The following HECW2 variants were observed in gnomAD, a reference collection of about 807,000 sequenced individuals.
HECW2 encodes the protein E3 ubiquitin-protein ligase HECW2.
Under a neutral mutation model 175.2 loss-of-function variants are expected in HECW2, and 61 were observed. That is an observed-to-expected ratio of 0.35 (90% CI 0.28 to 0.43). HECW2 has a LOEUF of 0.43. Ranked by LOEUF, HECW2 falls within the 20% of genes least tolerant of loss-of-function variation. The pLI is 1.00. For synonymous variants in HECW2, 671 were observed against 731.0 expected (o/e 0.92, Z 1.32); for missense variants, 1,524 against 2,000.5 (o/e 0.76, Z 4.54).
intron 2 of HECW2, among the ~76,000 whole-genome samples, chr2:196,412,075 G>A (rs2125228993): frequency 6.6e-6 from 1 of 152,246 alleles, no homozygotes; most frequent in Middle Eastern, 3.4e-3. Flanking sequence ...TTCAGTTTAA[G>A]GTTCATTATT....
chr2:196,496,379 A>G (rs1687394047), intron 1 of HECW2, among the ~76,000 whole-genome samples: 1 of 150,550 alleles, frequency 6.6e-6, no homozygotes, highest in African/African-American at 2.5e-5. Context: ...GGTTGATATG[A>G]GCAACACTGA....
chr2:196,382,613 A>C (rs1694239178), intron 2 of HECW2, among the ~76,000 whole-genome samples: 3 of 152,224 alleles, frequency 2.0e-5, no homozygotes, highest in African/African-American at 7.2e-5. Context: ...TATAACATGA[A>C]AAAGGATAGA....
chr2:196,457,234 T>G (rs1696548851), intron 1 of HECW2, among the ~76,000 whole-genome samples: 1 of 152,220 alleles, frequency 6.6e-6, no homozygotes, highest in African/African-American at 2.4e-5. Flanking sequence ...TACAACTGCT[T>G]CACTTTTACA....
intron 1 of HECW2, among the ~76,000 whole-genome samples, chr2:196,591,988 G>A (rs1476656034): frequency 1.3e-5 from 2 of 152,174 alleles, no homozygotes; most frequent in African/African-American, 4.8e-5. Flanking sequence ...CAAAGCAACA[G>A]AAGAAATGAA....
intron 2 of HECW2, among the ~76,000 whole-genome samples, chr2:196,386,540 G>A (rs1415083991): frequency 6.6e-6 from 1 of 152,216 alleles, no homozygotes; most frequent in African/African-American, 2.4e-5. Flanking sequence ...TTTCACTGCT[G>A]CCACTGTTTT....
At chr2:196,208,325 G>C (rs1240592677) in intron 28 of HECW2, among the ~76,000 whole-genome samples, 1 of 152,152 alleles carries the variant, frequency 6.6e-6, no homozygotes, top group Admixed American at 6.5e-5. Context: ...TTATGATTTT[G>C]GAATTTCTTG....
chr2:196,242,954 A>T (rs1043039213), intron 19 of HECW2: 5 of 152,094 alleles, frequency 3.3e-5, no homozygotes, highest in Non-Finnish European at 7.3e-5. Context: ...CAGCCTCCCA[A>T]ATTGCTGGGA....
chr2:196,270,546 T>G (rs12988737), intron 17 of HECW2, among the ~76,000 whole-genome samples: 11 of 152,330 alleles, frequency 7.2e-5, no homozygotes, highest in African/African-American at 2.4e-4. Flanking sequence ...TTCAATAAAC[T>G]GTATGCTACT....
intron 1 of HECW2, among the ~76,000 whole-genome samples, chr2:196,548,502 C>A (rs1320053428): frequency 6.6e-6 from 1 of 152,122 alleles, no homozygotes; most frequent in Non-Finnish European, 1.5e-5. Flanking sequence ...TACATCCTTG[C>A]TCCCAGCCTT....
chr2:196,434,213 G>A (rs1044673795), intron 1 of HECW2, among the ~76,000 whole-genome samples: 15 of 152,038 alleles, frequency 9.9e-5, no homozygotes, highest in Non-Finnish European at 1.9e-4. Flanking sequence ...CCTGCTACAC[G>A]GTACATGTCG....
At chr2:196,226,309 G>A (rs1307725557) in intron 22 of HECW2, among the ~76,000 whole-genome samples, 1 of 152,024 alleles carries the variant, frequency 6.6e-6, no homozygotes, top group Non-Finnish European at 1.5e-5. Flanking sequence ...CACCATGATT[G>A]AAAAAGCTCC....
intron 1 of HECW2, among the ~76,000 whole-genome samples, chr2:196,578,742 A>G (rs1559185589): frequency 6.6e-6 from 1 of 152,198 alleles, no homozygotes; most frequent in Non-Finnish European, 1.5e-5. Flanking sequence ...CAAGACTTCT[A>G]TAACTGGGAA....
chr2:196,517,254 A>G (rs1002042029), intron 1 of HECW2, among the ~76,000 whole-genome samples: 1 of 152,248 alleles, frequency 6.6e-6, no homozygotes, highest in East Asian at 1.9e-4. Flanking sequence ...TAAATATTCA[A>G]TACTAAAGAT....
chr2:196,574,204 C>T (rs866466945), intron 1 of HECW2, among the ~76,000 whole-genome samples: 6 of 152,146 alleles, frequency 3.9e-5, no homozygotes, highest in African/African-American at 1.4e-4. Flanking sequence ...CTGAGGCGGG[C>T]AGATCACTTG....
intron 22 of HECW2, 28 bp from the exon 23 acceptor site, chr2:196,225,898 A>C (rs1350034538): frequency 7.2e-7 from 1 of 1,379,880 alleles, no homozygotes; most frequent in African/African-American, 1.4e-5. Flanking sequence ...GAGATGGCTT[A>C]CATGTCATGG....
chr2:196,472,896 C>T (rs1238869731), intron 1 of HECW2, among the ~76,000 whole-genome samples: 5 of 152,202 alleles, frequency 3.3e-5, no homozygotes, highest in South Asian at 2.1e-4. Context: ...GCTGGGATTC[C>T]GGGCCGGAGC....
At position 196,318,596 on chromosome 2, in the gene HECW2, C is replaced by A; in HGVS notation, c.2294G>T (p.Gly765Val). The A allele has an allele frequency of 6.5e-7, 1 of 1,548,084 alleles. No individual in the cohort carries two copies. Among genetic ancestry groups the A allele is most frequent in the Middle Eastern group, 1.7e-4 (1 of 5,766 alleles). The change falls in exon 9 of 29, where the codon GGC (glycine) becomes GTC (valine). Residue 765 changes from glycine (G) to valine (V), a missense_variant. By Grantham distance (109) the Gly-to-Val change is moderately radical. This residue lies in a region of HECW2 where 604 missense variants were observed against 588.3 expected (regional missense o/e 1.03). Transcript: ENST00000644978. ...CTGGGCAGTTGCCCCTTCACAGGTGCCTTGGGCCTCCCCAGCACTGCCTTC... is the reference window on the plus strand; with the variant it reads ...CTGGGCAGTTGCCCCTTCACAGGTGACTTGGGCCTCCCCAGCACTGCCTTC... ...QEEGSAGEAQ[G>V]TCEGATAQEE... is the part of the protein sequence containing the mutation.
At chr2:196,563,611 G>A (rs1042257507) in intron 1 of HECW2, among the ~76,000 whole-genome samples, 5 of 151,972 alleles carry the variant, frequency 3.3e-5, no homozygotes, top group Non-Finnish European at 5.9e-5. Flanking sequence ...CTGAATGCAA[G>A]AAAGTGCTCA....
chr2:196,405,031 C>T lies in HECW2; in HGVS notation c.292+28101G>A, dbSNP rs531600042. On this transcript the variant is annotated intron_variant, in intron 2 of 28. Transcript: ENST00000644978. ...TATTTTTAGTAGAGATGGGGTTTCACCATGTTAGCCAGGATGGTCTCAATC... is the reference window on the plus strand; with the variant it reads ...TATTTTTAGTAGAGATGGGGTTTCATCATGTTAGCCAGGATGGTCTCAATC... Among the ~76,000 whole-genome samples, 6 of 150,492 alleles carry T rather than the reference C, an allele frequency of 4.0e-5. No individual in the cohort carries two copies. In the East Asian group the frequency reaches 1.2e-3, roughly 30 times the overall value.
Sources: allele counts gnomAD v4.1 joint callset (sites outside exome capture counted in the v4.1 genomes callset), GRCh38; gene constraint gnomAD v4.1.1; regional missense constraint gnomAD v4.1.1; transcripts MANE v1.5; gene names NCBI Gene and HGNC (gene_info 2026-07-23, HGNC 2026-07-21).